Variants in ZHX3 observed in about 807,000 individuals in gnomAD.
ZHX3 encodes zinc fingers and homeoboxes protein 3.
ZHX3 carries 20 observed loss-of-function variants against 64.5 expected under a neutral mutation model. That is an observed-to-expected ratio of 0.31 (90% CI 0.22 to 0.45). The LOEUF is 0.45. Among genes scored for constraint, ZHX3 ranks in the 20% least tolerant of loss-of-function variants. The pLI is 1.00. For missense variants in ZHX3, 1,041 were observed against 1,195.8 expected, an observed-to-expected ratio of 0.87 and a Z score of 1.91; for synonymous variants, 423 against 461.6, an observed-to-expected ratio of 0.92 and a Z score of 1.07.
intron 3 of ZHX3, among the ~76,000 whole-genome samples, chr20:41,189,434 T>C (rs1016440269): frequency 2.6e-5 from 4 of 152,234 alleles, no homozygotes; most frequent in African/African-American, 9.6e-5. Flanking sequence ...TTGGACAGTG[T>C]GGCCATTTTA....
At chr20:41,209,973 T>C (rs556667128) in intron 2 of ZHX3, among the ~76,000 whole-genome samples, 5 of 152,304 alleles carry the variant, frequency 3.3e-5, no homozygotes, top group South Asian at 2.1e-4. Context: ...ATCCAGAATC[T>C]ACAAAGCACT....
intron 1 of ZHX3, among the ~76,000 whole-genome samples, chr20:41,270,589 T>C (rs987234332): frequency 8.7e-5 from 13 of 149,312 alleles, no homozygotes; most frequent in African/African-American, 3.2e-4. Flanking sequence ...GGCAGGAGAA[T>C]AGCGTGAACC....
In ZHX3 at chr20:41,317,666, C is replaced by G. The variant is rs1393167770; in HGVS notation, c.-402G>C. The G allele has an allele frequency of 1.3e-5, 2 of 151,068 alleles. No individual in the cohort carries two copies. Among genetic ancestry groups the G allele is most frequent in the Non-Finnish European group, 3.0e-5 (2 of 67,594 alleles). 9.4% of individuals were successfully genotyped at this position (151,068 alleles called of 1,614,324 possible). A position where few individuals can be genotyped will look rare whatever the true frequency, so the allele number is the denominator to read the frequency against. On this transcript the variant is annotated 5_prime_UTR_variant, in exon 1 of 4. Coordinates refer to ENST00000683867, the MANE Select transcript of ZHX3 (RefSeq NM_001384317.1). ...GGACTGCTGAGCGGCGGGGACGCAG[C>G]TGCACCAACCGACTCCGGGCCGCTC...
At position 41,201,940 on chromosome 20, in the gene ZHX3, G is replaced by T; in HGVS notation, c.2860+117C>A. 7.6e-7 allele frequency: 1 copy of T among 1,313,488 alleles called. No homozygotes were observed. The highest frequency in any genetic ancestry group is 1.0e-6 in the Non-Finnish European group (1 of 987,784). 81.4% of individuals were successfully genotyped at this position (1,313,488 alleles called of 1,614,324 possible). ...CTGAAGCAGCCAGGCGGTTAATGCT[G>T]CTGCCAGGCAGCCTTAGAGACAGCA... On this transcript the variant is annotated intron_variant, in intron 3 of 3. Transcript: ENST00000683867. This position sits in a 1 kb window ranked among gnomAD's most constrained non-coding sequence, Gnocchi z 5.0.
Position 41,202,625 on chromosome 20 carries a change from TG to T in ZHX3, c.2291del (p.Pro764GlnfsTer4). On this transcript the variant is annotated frameshift_variant, in exon 3 of 4. Transcript: ENST00000683867. LOFTEE classifies it high-confidence loss of function. The surrounding 1 kb of genome is among the most constrained non-coding windows in gnomAD (Gnocchi z 7.0). ...CAGTCTTTTTGCAGCTCACTTTGCC[TG>T]GGAGCTGCTCTGCCAGTTTGTTTGA... ...DESNKLAEQL[P>X]GKVSCKKTAQ... The T allele has an allele frequency of 6.2e-7, 1 of 1,613,914 alleles. No individual in the cohort carries two copies.
At chr20:41,309,582 G>A (rs1453243555) in intron 1 of ZHX3, among the ~76,000 whole-genome samples, 1 of 152,120 alleles carries the variant, frequency 6.6e-6, no homozygotes, top group Non-Finnish European at 1.5e-5. Context: ...CCTGGGCCAT[G>A]GCCGACTCCT....
chr20:41,207,649 G>A (rs904979631), intron 2 of ZHX3, among the ~76,000 whole-genome samples: 1 of 152,222 alleles, frequency 6.6e-6, no homozygotes, highest in Non-Finnish European at 1.5e-5. Flanking sequence ...AAACCAATGA[G>A]AACAAAGACA....
chr20:41,193,551 T>C (rs2037223501), intron 3 of ZHX3, among the ~76,000 whole-genome samples: 1 of 152,058 alleles, frequency 6.6e-6, no homozygotes, highest in African/African-American at 2.4e-5. Context: ...TGCCTCAGCC[T>C]CCCAAGTAGT....
chr20:41,208,895 C>T (rs2038938599), intron 2 of ZHX3, among the ~76,000 whole-genome samples: 1 of 152,224 alleles, frequency 6.6e-6, no homozygotes, highest in Non-Finnish European at 1.5e-5. Flanking sequence ...AAGAGCAAGT[C>T]AAATTGTCCC....
At chr20:41,312,729 G>A (rs921684764) in intron 1 of ZHX3, among the ~76,000 whole-genome samples, 2 of 152,098 alleles carry the variant, frequency 1.3e-5, no homozygotes, top group African/African-American at 4.8e-5. Context: ...CTGTACAGAA[G>A]AGGAGAATAC....
rs2036167759 is a variant in ZHX3, at chr20:41,179,518, C to T, written c.*5673G>A. ...ATTCATAGGTACCATGTAGATTTTT[C>T]TTTTAAATGTATTTCTACTCAGGTT... On this transcript the variant is annotated 3_prime_UTR_variant, in exon 4 of 4. Coordinates refer to ENST00000683867, the MANE Select transcript of ZHX3 (RefSeq NM_001384317.1). This position sits in a 1 kb window ranked among gnomAD's most constrained non-coding sequence, Gnocchi z 4.3. 6.6e-6 allele frequency: 1 copy of T among 152,098 alleles called. No individual in the cohort carries two copies. The highest frequency in any genetic ancestry group is 1.5e-5 in the Non-Finnish European group (1 of 68,000). 9.4% of individuals were successfully genotyped at this position (152,098 alleles called of 1,614,324 possible).
Position 41,204,867 on chromosome 20 carries a change from GTCT to G in ZHX3, c.47_49del (p.Lys16del). ...CATGCTGGCATCTTGCAACACCACA[GTCT>G]TCACTGGGATCATGCATGGTGTGGT... On this transcript the variant is annotated inframe_deletion, in exon 3 of 4. Coordinates refer to ENST00000683867, the MANE Select transcript of ZHX3 (RefSeq NM_001384317.1). The surrounding 1 kb of genome is among the most constrained non-coding windows in gnomAD (Gnocchi z 6.6). 1 of 1,574,118 alleles carries G rather than the reference GTCT, an allele frequency of 6.4e-7. No homozygotes were observed. The highest frequency in any genetic ancestry group is 8.6e-7 in the Non-Finnish European group (1 of 1,160,602).
At chr20:41,238,141 C>A (rs147105059) in intron 2 of ZHX3, among the ~76,000 whole-genome samples, 36 of 152,332 alleles carry the variant, frequency 2.4e-4, no homozygotes, top group Middle Eastern at 6.8e-3. Flanking sequence ...TCCCATCCAA[C>A]ACCCAATTTG....
Position 41,203,632 on chromosome 20 carries a change from G to C in ZHX3, c.1285C>G (p.Gln429Glu), listed in dbSNP as rs1158296286. ...EGTGGGLLVT[Q>E]PLMANGLQAT... ...TGCAACCCATTGGCCATCAATGGCT[G>C]AGTGACCAGAAGTCCCCCTCCTGTA... Residue 429 changes from glutamine to glutamate, a missense_variant, in exon 3 of 4, where the codon CAG becomes GAG. Transcript: ENST00000683867. The surrounding 1 kb of genome is among the most constrained non-coding windows in gnomAD (Gnocchi z 7.1). 1.2e-6 allele frequency: 2 copies of C among 1,614,116 alleles called. No homozygotes were observed. Among genetic ancestry groups the C allele is most frequent in the Admixed American group, 1.7e-5 (1 of 60,014 alleles).
rs1248249436 is a variant in ZHX3 at position 41,181,270 on chromosome 20, A to G, written c.*3921T>C. On this transcript the variant is annotated 3_prime_UTR_variant, in exon 4 of 4. Coordinates refer to ENST00000683867, the MANE Select transcript of ZHX3 (RefSeq NM_001384317.1). ...GTCTAGAGGATTTTTCTTCTCCAGC[A>G]TATAACTACCTTGAGAATGGATGTG... is the stretch of plus-strand genomic sequence containing the variant. 6.6e-6 allele frequency: 1 copy of G among 152,204 alleles called. No individual in the cohort carries two copies. The highest frequency in any genetic ancestry group is 1.5e-5 in the Non-Finnish European group (1 of 68,026). The allele number at this position is 152,204 out of a possible 1,614,324, so 9.4% of individuals were successfully genotyped here.
At chr20:41,237,724 C>T (rs191457716) in intron 2 of ZHX3, among the ~76,000 whole-genome samples, 24 of 151,948 alleles carry the variant, frequency 1.6e-4, no homozygotes, top group African/African-American at 4.8e-4. Context: ...CAAACCTGCA[C>T]GTTGTGCACA....
chr20:41,285,007 G>A (rs2043866866), intron 1 of ZHX3, among the ~76,000 whole-genome samples: 1 of 151,942 alleles, frequency 6.6e-6, no homozygotes, highest in Non-Finnish European at 1.5e-5. Context: ...ACTCTTACTG[G>A]TCCTTCAGGT....
intron 2 of ZHX3, among the ~76,000 whole-genome samples, chr20:41,234,213 C>G (rs2040813165): frequency 6.6e-6 from 1 of 152,192 alleles, no homozygotes; most frequent in Non-Finnish European, 1.5e-5. Context: ...GATTCCTCCC[C>G]CACAAAACTG....
chr20:41,283,475 C>T (rs992741944), intron 1 of ZHX3, among the ~76,000 whole-genome samples: 4 of 152,056 alleles, frequency 2.6e-5, no homozygotes, highest in African/African-American at 7.2e-5. Context: ...TCACTTTTAT[C>T]GGGCCAGGTG....
Sources: allele counts gnomAD v4.1 joint callset (sites outside exome capture counted in the v4.1 genomes callset), GRCh38; gene constraint gnomAD v4.1.1; non-coding constraint Gnocchi (gnomAD v3.1); transcripts MANE v1.5; gene names NCBI Gene and HGNC (gene_info 2026-07-23, HGNC 2026-07-21).